The following AGO2 variants were observed in gnomAD, a reference collection of about 807,000 sequenced individuals.
AGO2 encodes the protein protein argonaute-2.
AGO2 carries 5 observed loss-of-function variants against 102.3 expected under a neutral mutation model. That is an observed-to-expected ratio of 0.05 (90% CI 0.03 to 0.10). The LOEUF (loss-of-function observed/expected upper bound fraction) is 0.10. AGO2 is among the 10% of genes least tolerant of loss of function. The pLI, the probability that AGO2 is intolerant of heterozygous loss-of-function variation, is 1.00. For synonymous variants in AGO2, 449 were observed against 473.1 expected (o/e 0.95, Z 0.66); for missense variants, 541 against 1,183.7 (o/e 0.46, Z 7.97).
At chr8:140,555,811 C>T (rs1055709006) in intron 10 of AGO2, 85 bp downstream of exon 10, 30 of 1,507,288 alleles carry the variant, frequency 2.0e-5, no homozygotes, top group Non-Finnish European at 2.1e-5. Flanking sequence ...CAGTCTACAC[C>T]GCGGGCGATA....
At chr8:140,604,980 C>T (rs886431620) in intron 1 of AGO2, among the ~76,000 whole-genome samples, 18 of 152,172 alleles carry the variant, frequency 1.2e-4, no homozygotes, top group African/African-American at 4.3e-4. Context: ...AGTATCTCTG[C>T]ATAAACGTGC....
rs751466486 is a variant in AGO2 at position 140,551,446 on chromosome 8, G to A, written c.1270-10C>T. ...TCGCAATAGCTTTATTCTGCAAATGGCAAAAGGTTCAGGGTGAGAAAAAAA... is the reference window on the plus strand; with the variant it reads ...TCGCAATAGCTTTATTCTGCAAATGACAAAAGGTTCAGGGTGAGAAAAAAA... On this transcript the variant is annotated splice_polypyrimidine_tract_variant and intron_variant, in intron 10 of 18. Transcript: ENST00000220592. 1 of 1,546,622 alleles carries A rather than the reference G, an allele frequency of 6.5e-7. No individual in the cohort carries two copies. The highest frequency in any genetic ancestry group is 2.4e-5 in the East Asian group (1 of 42,360).
chr8:140,577,347 C>A (rs373301153), intron 2 of AGO2, among the ~76,000 whole-genome samples: 1 of 152,130 alleles, frequency 6.6e-6, no homozygotes, highest in South Asian at 2.1e-4. Context: ...GAATGCAGGT[C>A]TGTGTTTGCC....
chr8:140,561,819 GAA>G (rs2073206250), intron 4 of AGO2, among the ~76,000 whole-genome samples: 1 of 152,238 alleles, frequency 6.6e-6, no homozygotes, highest in Non-Finnish European at 1.5e-5. Flanking sequence ...GATGAAACTT[GAA>G]AACTCAACTT....
rs556481342 is a variant in AGO2, at chr8:140,556,373, G to T, written c.1027-87C>A. 2.5e-5 allele frequency: 39 copies of T among 1,548,400 alleles called. No individual in the cohort carries two copies. In the South Asian group the frequency reaches 4.1e-4, roughly 16 times the overall value. ...AGGGGGCTCAGGGGCTGGTGGCCTG[G>T]CTCTGCTTGGGACCGTCTCTGCCTC... On this transcript the variant is annotated intron_variant, in intron 8 of 18. Coordinates refer to ENST00000220592, the MANE Select transcript of AGO2 (RefSeq NM_012154.5).
rs1297368551 is a variant in AGO2 at position 140,605,314 on chromosome 8, C to T, written c.23-20003G>A. On this transcript the variant is annotated intron_variant, in intron 1 of 18. Transcript: ENST00000220592. ...GTTTCACCATGTTGCCCAGGCTGGA[C>T]TTGAACTCCTGAGCTTAAGCAATCT... Among the ~76,000 whole-genome samples, 6 of 152,196 alleles carry T rather than the reference C, an allele frequency of 3.9e-5. No individual in the cohort carries two copies. The East Asian group carries it at 1.2e-3, about 29-fold the overall frequency.
intron 3 of AGO2, among the ~76,000 whole-genome samples, chr8:140,569,215 C>T (rs2073340293): frequency 6.6e-6 from 1 of 152,250 alleles, no homozygotes; most frequent in African/African-American, 2.4e-5. Context: ...TGTCCTTCAA[C>T]AGTGAACTCT....
At chr8:140,553,970 G>A (rs545428289) in intron 10 of AGO2, among the ~76,000 whole-genome samples, 220 of 152,362 alleles carry the variant, frequency 1.4e-3, no homozygotes, top group African/African-American at 5.0e-3. Context: ...CCAAAGTGCT[G>A]GGATTACAGG....
intron 1 of AGO2, among the ~76,000 whole-genome samples, chr8:140,632,168 A>G (rs1321731197): frequency 6.6e-6 from 1 of 152,238 alleles, no homozygotes; most frequent in Non-Finnish European, 1.5e-5. Context: ...TGCTTCTTCA[A>G]ATTGCACAGG....
chr8:140,625,851 C>T (rs2074269465), intron 1 of AGO2, among the ~76,000 whole-genome samples: 2 of 152,236 alleles, frequency 1.3e-5, no homozygotes, highest in South Asian at 4.1e-4. Context: ...GCTTCCAGGG[C>T]CAACAGCGAA....
At chr8:140,581,412 G>A (rs1322440184) in intron 2 of AGO2, among the ~76,000 whole-genome samples, 5 of 152,198 alleles carry the variant, frequency 3.3e-5, no homozygotes, top group African/African-American at 9.6e-5. Context: ...TACTCCGGAC[G>A]GGTAGCTGAG....
intron 17 of AGO2, among the ~76,000 whole-genome samples, chr8:140,533,165 A>G (rs371938180): frequency 1.2e-4 from 18 of 151,734 alleles, no homozygotes; most frequent in East Asian, 3.9e-4. Flanking sequence ...CGAGGCGGGC[A>G]GATCACAAGG....
chr8:140,546,643 T>C (rs1198806653), intron 13 of AGO2, among the ~76,000 whole-genome samples: 1 of 152,246 alleles, frequency 6.6e-6, no homozygotes, highest in Non-Finnish European at 1.5e-5. Context: ...CCACTGTGAC[T>C]GGGAGCTCCA....
chr8:140,640,078 G>A (rs774080130), upstream of AGO2, among the ~76,000 whole-genome samples: 1 of 152,028 alleles, frequency 6.6e-6, no homozygotes, highest in Non-Finnish European at 1.5e-5. Context: ...GTGCCATCTC[G>A]GCTCATTGCA....
Position 140,570,318 on chromosome 8 carries a change from C to T in AGO2, c.336+2494G>A, listed in dbSNP as rs28633281. Among the ~76,000 whole-genome samples, 743 of 152,264 alleles carry T rather than the reference C, an allele frequency of 4.9e-3. 10 individuals are homozygous for T. The highest frequency in any genetic ancestry group is 0.017 in the African/African-American group (697 of 41,558). On this transcript the variant is annotated intron_variant, in intron 3 of 18. Coordinates refer to ENST00000220592, the MANE Select transcript of AGO2 (RefSeq NM_012154.5). ...TTGGCTCACTGCAACCTCCATCTCC[C>T]GGGTTCGAGTGATTCTCATGCTTCA...
intron 10 of AGO2, among the ~76,000 whole-genome samples, chr8:140,553,044 G>A (rs998708039): frequency 2.0e-5 from 3 of 152,180 alleles, no homozygotes; most frequent in Non-Finnish European, 4.4e-5. Context: ...GGACAGGAAT[G>A]TTTCCTCACA....
chr8:140,550,281 AC>A (rs971627426), intron 11 of AGO2, among the ~76,000 whole-genome samples: 34 of 152,298 alleles, frequency 2.2e-4, no homozygotes, highest in African/African-American at 8.2e-4. Flanking sequence ...GACCGGCTAC[AC>A]CTCACAGGCT....
rs1159306491 is a variant in AGO2 at position 140,596,494 on chromosome 8, A to G, written c.23-11183T>C. Among the ~76,000 whole-genome samples, 15 of 152,238 alleles carry G rather than the reference A, an allele frequency of 9.9e-5. 1 individual carries two copies. The highest frequency in any genetic ancestry group is 9.8e-4 in the Admixed American group (15 of 15,284). ...GCTACTCGGGAGGCTGAGATGGGAT[A>G]ATCACCTGAACCCTGGAGGCGGAGG... is the stretch of plus-strand genomic sequence containing the variant. On this transcript the variant is annotated intron_variant, in intron 1 of 18. Coordinates refer to ENST00000220592, the MANE Select transcript of AGO2 (RefSeq NM_012154.5).
intron 3 of AGO2, among the ~76,000 whole-genome samples, chr8:140,564,239 A>C (rs908801330): frequency 1.3e-5 from 2 of 152,052 alleles, no homozygotes; most frequent in African/African-American, 4.8e-5. Flanking sequence ...CAGCTGAGGA[A>C]ACCAACAGAG....
Sources: allele counts gnomAD v4.1 joint callset (sites outside exome capture counted in the v4.1 genomes callset), GRCh38; gene constraint gnomAD v4.1.1; transcripts MANE v1.5; gene names NCBI Gene and HGNC (gene_info 2026-07-23, HGNC 2026-07-21).